HUWE1: variants seen among roughly 807,000 people sequenced by gnomAD.
HUWE1 encodes the protein E3 ubiquitin-protein ligase HUWE1.
In HUWE1, 18 loss-of-function variants were observed where a neutral mutation model predicts 299.4. The ratio of observed to expected loss-of-function variants is 0.06; its 90% CI spans 0.04 to 0.09. The LOEUF is 0.09. Ranked by LOEUF, HUWE1 falls within the 10% of genes least tolerant of loss-of-function variation. The pLI is 1.00. For synonymous variants in HUWE1, 1,317 were observed against 1,286.1 expected (o/e 1.02, Z -0.51); for missense variants, 1,832 against 3,462.3 (o/e 0.53, Z 11.82).
intron 3 of HUWE1, among the ~76,000 whole-genome samples, chrX:53,674,931 A>T (rs1406845998): frequency 8.9e-6 from 1 of 112,098 alleles, no homozygotes; most frequent in Non-Finnish European, 1.9e-5. Context: ...ATTTTATATA[A>T]ATTATAATGA....
intron 4 of HUWE1, among the ~76,000 whole-genome samples, chrX:53,652,063 AAT>A (rs2068508351): frequency 8.9e-6 from 1 of 112,030 alleles, no homozygotes; most frequent in Admixed American, 9.5e-5. Flanking sequence ...TTTACATACA[AAT>A]AGTTTTAAAA....
rs2068126848 is a variant in HUWE1, at chrX:53,647,373, T to C, written c.346A>G (p.Ile116Val). Reference sequence around the variant, plus strand: ...CAGGCTTTAACCTCCCCTACCTCTATGGAACTGTACAGATGCCGGGAAAAG... The same window carrying C: ...CAGGCTTTAACCTCCCCTACCTCTACGGAACTGTACAGATGCCGGGAAAAG... The part of the protein sequence containing the change: ...YSFSRHLYSS[I>V]EHLTTLLASS... The change falls in exon 6 of 84, where the codon ATA becomes GTA. Residue 116 changes from isoleucine (I) to valine (V), a missense_variant. Coordinates refer to ENST00000262854, the MANE Select transcript of HUWE1 (RefSeq NM_031407.7). 1 of 1,202,136 alleles carries C rather than the reference T, an allele frequency of 8.3e-7. No individual in the cohort carries two copies. Among genetic ancestry groups the C allele is most frequent in the African/African-American group, 1.7e-5 (1 of 57,641 alleles).
rs1398264747 is a variant in HUWE1 at position 53,578,375 on chromosome X, C to A, written c.5717-1308G>T. 3.1e-3 allele frequency among the ~76,000 whole-genome samples: 314 copies of A among 102,388 alleles called. 1 individual carries two copies. The highest frequency in any genetic ancestry group is 0.011 in the African/African-American group (307 of 27,280). 88.9% of individuals were successfully genotyped at this position (102,388 alleles called of 115,157 possible). On this transcript the variant is annotated intron_variant, in intron 43 of 83. Transcript: ENST00000262854. ...AGGTGGGGGGGGGTCAGCCCCCCGC[C>A]CGGCCAGCCGCCCCGTCCGGGAGGT...
intron 7 of HUWE1, among the ~76,000 whole-genome samples, chrX:53,641,276 CT>C (rs1374067860): frequency 8.9e-6 from 1 of 111,791 alleles, no homozygotes; most frequent in East Asian, 2.8e-4. Flanking sequence ...ATGATAAAAA[CT>C]TGGCTTTATA....
At chrX:53,684,086 A>T in intron 2 of HUWE1, 1 of 251,576 alleles carries the variant, frequency 4.0e-6, no homozygotes, top group Non-Finnish European at 7.1e-6. Flanking sequence ...CCTCCCTCCC[A>T]CCAAAGCCGA....
intron 23 of HUWE1, among the ~76,000 whole-genome samples, chrX:53,610,004 A>G (rs1359365404): frequency 8.9e-6 from 1 of 112,017 alleles, no homozygotes; most frequent in African/African-American, 3.2e-5. Context: ...AACCTCCTCA[A>G]TGAAAAATGT....
chrX:53,577,691 GT>G (rs782154597), intron 43 of HUWE1, among the ~76,000 whole-genome samples: 391 of 93,211 alleles, frequency 4.2e-3, no homozygotes, highest in Middle Eastern at 0.011. Flanking sequence ...ACTGGTTTTC[GT>G]TTTTTTTTTT....
At chrX:53,679,563 G>A (rs1485693353) in intron 3 of HUWE1, among the ~76,000 whole-genome samples, 3 of 111,631 alleles carry the variant, frequency 2.7e-5, no homozygotes, top group African/African-American at 9.8e-5. Flanking sequence ...GCCAAGAAGG[G>A]AGGATGGCTT....
Position 53,545,157 on chromosome X carries a change from G to C in HUWE1, c.10920C>G (p.Thr3640=). The change falls in exon 71 of 84, where the codon ACC becomes ACG. Residue 3640 remains threonine (T), a synonymous_variant. Coordinates refer to ENST00000262854, the MANE Select transcript of HUWE1 (RefSeq NM_031407.7). Reference sequence around the variant, plus strand: ...TGTATTCCCGCAGCTCGGCCAGCAGGGTACCTGAGCAGGCAGAGGAGTCAG... The same window carrying C: ...TGTATTCCCGCAGCTCGGCCAGCAGCGTACCTGAGCAGGCAGAGGAGTCAG... ...LGYTLCKQIG[T]LLAELREYNL... is the part of the protein sequence containing the mutation. 8.3e-7 allele frequency: 1 copy of C among 1,210,029 alleles called. No homozygotes were observed. The highest frequency in any genetic ancestry group is 1.1e-6 in the Non-Finnish European group (1 of 894,792).
intron 55 of HUWE1, among the ~76,000 whole-genome samples, 199 bp from the exon 56 acceptor site, chrX:53,560,615 C>T (rs1371369727): frequency 2.7e-5 from 3 of 111,388 alleles, no homozygotes; most frequent in African/African-American, 6.5e-5. Context: ...GATACTGCAA[C>T]GGCCTCCTAA....
chrX:53,558,313 G>A (rs1352951843), intron 59 of HUWE1, among the ~76,000 whole-genome samples: 1 of 111,705 alleles, frequency 9.0e-6, no homozygotes, highest in African/African-American at 3.3e-5. Context: ...TTCACCGACA[G>A]AAATGGAAGT....
Position 53,565,269 on chromosome X carries a change from T to C in HUWE1, c.6708-30A>G, listed in dbSNP as rs377509034. Reference sequence around the variant, plus strand: ...GATAAGGGAAGATAAAGAGATGGACTGAGCACAGAAATACTAGGTGTCTAT... The same window carrying C: ...GATAAGGGAAGATAAAGAGATGGACCGAGCACAGAAATACTAGGTGTCTAT... On this transcript the variant is annotated intron_variant, in intron 49 of 83. Transcript: ENST00000262854. 2.6e-6 allele frequency: 3 copies of C among 1,143,475 alleles called. No individual in the cohort carries two copies. In the African/African-American group the frequency reaches 5.4e-5, roughly 20 times the overall value. 94.2% of individuals were successfully genotyped at this position (1,143,475 alleles called of 1,213,427 possible). A position where few individuals can be genotyped will look rare whatever the true frequency, so the allele number is the denominator to read the frequency against.
At chrX:53,628,386 TTCTTA>T in intron 15 of HUWE1, 102 bp downstream of exon 15, 1 of 857,046 alleles carries the variant, frequency 1.2e-6, no homozygotes, top group East Asian at 3.4e-5. Context: ...TGGATAAGCT[TTCTTA>T]TATTATTTGC....
At chrX:53,616,567 C>T (rs1212541369) in intron 21 of HUWE1, among the ~76,000 whole-genome samples, 4 of 111,459 alleles carry the variant, frequency 3.6e-5, no homozygotes, top group African/African-American at 1.3e-4. Flanking sequence ...CTAATAATCT[C>T]TCAATTATCT....
At chrX:53,590,557 A>C in intron 34 of HUWE1, 58 bp from the exon 35 acceptor site, 1 of 854,627 alleles carries the variant, frequency 1.2e-6, no homozygotes, top group Non-Finnish European at 1.7e-6. Context: ...GAAACCCAAC[A>C]AGACCACTGC....
chrX:53,592,252 T>C (rs1162989092), intron 33 of HUWE1, 146 bp downstream of exon 33: 13 of 501,453 alleles, frequency 2.6e-5, no homozygotes, highest in Non-Finnish European at 3.8e-5. Context: ...AGAAAAAAAA[T>C]AAATACTAAG....
chrX:53,675,635 G>GA (rs1409653419), intron 3 of HUWE1, among the ~76,000 whole-genome samples: 4 of 108,180 alleles, frequency 3.7e-5, no homozygotes, highest in African/African-American at 6.7e-5. Context: ...TATGTTAAAA[G>GA]AAAAAAAAAG....
Position 53,547,797 on chromosome X carries a change from G to A in HUWE1, c.10512C>T (p.Pro3504=), listed in dbSNP as rs2061610043. ...TTTAASTTPT[P]PTAPTPVTSA... ...AAGTGACAGGGGTGGGTGCAGTAGG[G>A]GGTGTGGGCGTGGTGGAGGCGGCAG... is the stretch of plus-strand genomic sequence containing the variant. The change falls in exon 68 of 84, where the codon CCC becomes CCT. Residue 3504 remains proline, a synonymous_variant. Transcript: ENST00000262854. 3 of 1,201,086 alleles carry A rather than the reference G, an allele frequency of 2.5e-6. No homozygotes were observed. Among genetic ancestry groups the A allele is most frequent in the Non-Finnish European group, 3.4e-6 (3 of 889,572 alleles).
Position 53,536,131 on chromosome X carries a change from G to T in HUWE1, c.12531+16C>A. On this transcript the variant is annotated intron_variant, in intron 80 of 83. Coordinates refer to ENST00000262854, the MANE Select transcript of HUWE1 (RefSeq NM_031407.7). ...GATTGGCTGGGATGTGCTGTGATTA[G>T]GATTTCCTGACCTACCTCAGTGCTG... The T allele has an allele frequency of 9.2e-7, 1 of 1,089,233 alleles. No homozygotes were observed. Among genetic ancestry groups the T allele is most frequent in the Non-Finnish European group, 1.3e-6 (1 of 784,454 alleles). 89.8% of individuals were successfully genotyped at this position (1,089,233 alleles called of 1,213,427 possible). A position where few individuals can be genotyped will look rare whatever the true frequency, so the allele number is the denominator to read the frequency against.
Sources: gnomAD v4.1 joint callset for allele counts (sites outside exome capture counted in the v4.1 genomes callset) on GRCh38, gnomAD v4.1.1 for gene constraint, MANE v1.5 for transcripts, NCBI Gene and HGNC (gene_info 2026-07-23, HGNC 2026-07-21) for gene names.